CNMD: variants seen among roughly 807,000 people sequenced by gnomAD.
The protein encoded by CNMD is chondromodulin, also known as leukocyte cell-derived chemotaxin 1.
Under a neutral mutation model 37.5 loss-of-function variants are expected in CNMD, and 30 were observed. The observed-to-expected ratio is 0.80, with a 90% CI of 0.60 to 1.09. CNMD has a LOEUF of 1.09. CNMD is among the 50% of genes least tolerant of loss of function. CNMD has a pLI of 0.00. For missense variants in CNMD, 398 were observed against 423.9 expected, an observed-to-expected ratio of 0.94 and a Z score of 0.54; for synonymous variants, 167 against 148.2, an observed-to-expected ratio of 1.13 and a Z score of -0.92.
chr13:52,719,895 C>T (rs906123242), intron 4 of CNMD, among the ~76,000 whole-genome samples: 15 of 152,174 alleles, frequency 9.9e-5, no homozygotes, highest in African/African-American at 3.4e-4. Context: ...TGGGGAAGTT[C>T]TCCTGGATAA....
intron 3 of CNMD, among the ~76,000 whole-genome samples, chr13:52,726,175 C>T (rs182525093): frequency 1.3e-4 from 20 of 152,294 alleles, no homozygotes; most frequent in Non-Finnish European, 2.4e-4. Flanking sequence ...AGAACACAGA[C>T]GCCTGGGTCC....
intron 2 of CNMD, chr13:52,733,595 T>G: frequency 1.7e-6 from 1 of 577,892 alleles, no homozygotes. Context: ...CCTATTCCAA[T>G]AGCTCCATAA....
intron 3 of CNMD, among the ~76,000 whole-genome samples, chr13:52,731,472 G>A (rs1238185112): frequency 6.6e-6 from 1 of 152,094 alleles, no homozygotes; most frequent in Admixed American, 6.6e-5. Flanking sequence ...ACCCATAACA[G>A]GTTCTATCCA....
intron 4 of CNMD, among the ~76,000 whole-genome samples, chr13:52,719,807 G>A (rs535420049): frequency 6.6e-6 from 1 of 152,070 alleles, no homozygotes; most frequent in Non-Finnish European, 1.5e-5. Flanking sequence ...ATGTGTCTTG[G>A]GGTTGCTCTT....
intron 2 of CNMD, among the ~76,000 whole-genome samples, chr13:52,736,052 G>A (rs1473796827): frequency 6.6e-6 from 1 of 151,060 alleles, no homozygotes; most frequent in African/African-American, 2.4e-5. Flanking sequence ...GGAGTGCAGT[G>A]GCACAATCTC....
At chr13:52,730,097 T>A (rs1964640209) in intron 3 of CNMD, among the ~76,000 whole-genome samples, 1 of 152,036 alleles carries the variant, frequency 6.6e-6, no homozygotes, top group Non-Finnish European at 1.5e-5. Flanking sequence ...CTTGCGATAG[T>A]TTGCTGAGAA....
At chr13:52,710,206 A>G (rs1964269585) in intron 5 of CNMD, among the ~76,000 whole-genome samples, 1 of 152,220 alleles carries the variant, frequency 6.6e-6, no homozygotes, top group Non-Finnish European at 1.5e-5. Context: ...CTTTAAAGCC[A>G]TTGGTAGCTT....
intron 6 of CNMD, among the ~76,000 whole-genome samples, chr13:52,707,743 AG>A (rs1407905635): frequency 2.0e-5 from 3 of 152,200 alleles, no homozygotes; most frequent in African/African-American, 7.2e-5. Flanking sequence ...CTGAATAATA[AG>A]GGTTACCAGC....
At chr13:52,730,484 G>C (rs1964646816) in intron 3 of CNMD, among the ~76,000 whole-genome samples, 1 of 151,826 alleles carries the variant, frequency 6.6e-6, no homozygotes. Flanking sequence ...TCCAGCACCT[G>C]TTGTTTCCTG....
intron 4 of CNMD, among the ~76,000 whole-genome samples, chr13:52,716,057 G>A (rs984002035): frequency 1.3e-5 from 2 of 152,178 alleles, no homozygotes; most frequent in African/African-American, 4.8e-5. Context: ...ACCGGTATGA[G>A]ATGGTATCTC....
At chr13:52,705,465 ACT>A (rs1280443607) in intron 6 of CNMD, among the ~76,000 whole-genome samples, 1 of 152,050 alleles carries the variant, frequency 6.6e-6, no homozygotes, top group Non-Finnish European at 1.5e-5. Flanking sequence ...CATCAGACTC[ACT>A]CTGTTCTTTA....
At chr13:52,734,947 G>C (rs981159069) in intron 2 of CNMD, among the ~76,000 whole-genome samples, 1 of 152,152 alleles carries the variant, frequency 6.6e-6, no homozygotes, top group Non-Finnish European at 1.5e-5. Flanking sequence ...ACCCTTTTAG[G>C]AACAGCATTC....
At chr13:52,715,764 G>A (rs1205638309) in intron 4 of CNMD, among the ~76,000 whole-genome samples, 1 of 152,156 alleles carries the variant, frequency 6.6e-6, no homozygotes, top group Non-Finnish European at 1.5e-5. Context: ...ATGGGCATTT[G>A]GGTTGGTTCC....
chr13:52,726,524 AC>A (rs760981239), intron 3 of CNMD, among the ~76,000 whole-genome samples: 82 of 151,908 alleles, frequency 5.4e-4, no homozygotes, highest in Non-Finnish European at 8.7e-4. Flanking sequence ...AAAAAAAAAA[AC>A]ATACAGAGAC....
chr13:52,739,596 A>C lies in CNMD; in HGVS notation c.72+34T>G, dbSNP rs776596423. Reference sequence around the variant, plus strand: ...GTGGAACCTGATACTCACACAACCCAGGCCCTGCGTGTGGAATCCCTGGCG... The same window carrying C: ...GTGGAACCTGATACTCACACAACCCCGGCCCTGCGTGTGGAATCCCTGGCG... On this transcript the variant is annotated intron_variant, in intron 1 of 6. Coordinates refer to ENST00000377962, the MANE Select transcript of CNMD (RefSeq NM_007015.3). The surrounding 1 kb of genome is among the most constrained non-coding windows in gnomAD (Gnocchi z 5.4). 11 of 1,585,882 alleles carry C rather than the reference A, an allele frequency of 6.9e-6. No individual in the cohort carries two copies. Among genetic ancestry groups the C allele is most frequent in the Non-Finnish European group, 9.5e-6 (11 of 1,154,288 alleles).
Position 52,739,535 on chromosome 13 carries a change from C to T in CNMD, c.72+95G>A. On this transcript the variant is annotated intron_variant, in intron 1 of 6. Transcript: ENST00000377962. The surrounding 1 kb of genome is among the most constrained non-coding windows in gnomAD (Gnocchi z 5.4). The stretch of plus-strand genomic sequence containing the variant: ...ACCCAAATTTATCCCCCCGCCAACA[C>T]ACCCATTCGGTGGCACGCACCCCTG... 2 of 1,131,398 alleles carry T rather than the reference C, an allele frequency of 1.8e-6. No homozygotes were observed. The highest frequency in any genetic ancestry group is 2.4e-5 in the East Asian group (1 of 42,254). The allele number at this position is 1,131,398 out of a possible 1,614,324, so 70.1% of individuals were successfully genotyped here. A position where few individuals can be genotyped will look rare whatever the true frequency, so the allele number is the denominator to read the frequency against.
intron 3 of CNMD, among the ~76,000 whole-genome samples, chr13:52,730,285 G>A (rs542833459): frequency 1.8e-4 from 28 of 152,184 alleles, no homozygotes; most frequent in Admixed American, 1.6e-3. Context: ...ATAAACATAC[G>A]TGTGCATGTG....
At position 52,703,824 on chromosome 13, in the gene CNMD, G is replaced by T; in HGVS notation, c.790-14C>A. 6.3e-7 allele frequency: 1 copy of T among 1,599,858 alleles called. No homozygotes were observed. Among genetic ancestry groups the T allele is most frequent in the South Asian group, 1.1e-5 (1 of 90,826 alleles). ...CCCTTCCTGCTGCTGTGAAATAAAAGATAATTATTTGTGATAACTGCATAG... is the reference window on the plus strand; with the variant it reads ...CCCTTCCTGCTGCTGTGAAATAAAATATAATTATTTGTGATAACTGCATAG... On this transcript the variant is annotated splice_polypyrimidine_tract_variant and intron_variant, in intron 6 of 6. Coordinates refer to ENST00000377962, the MANE Select transcript of CNMD (RefSeq NM_007015.3).
At chr13:52,738,686 T>G (rs1177342878) in intron 2 of CNMD, among the ~76,000 whole-genome samples, 2 of 152,178 alleles carry the variant, frequency 1.3e-5, no homozygotes, top group East Asian at 3.9e-4. Flanking sequence ...AGTTCCATTT[T>G]TTCCCTTCAG....
Sources: gnomAD v4.1 joint callset for allele counts (sites outside exome capture counted in the v4.1 genomes callset) on GRCh38, gnomAD v4.1.1 for gene constraint, Gnocchi (gnomAD v3.1) non-coding constraint, MANE v1.5 for transcripts, NCBI Gene and HGNC (gene_info 2026-07-23, HGNC 2026-07-21) for gene names.